YWHAQ: variants seen among roughly 807,000 people sequenced by gnomAD.
The protein encoded by YWHAQ is 14-3-3 protein theta.
A neutral mutation model predicts 28.3 loss-of-function variants in YWHAQ; 6 were observed. The observed-to-expected ratio is 0.21, with a 90% CI of 0.12 to 0.42. The LOEUF (loss-of-function observed/expected upper bound fraction) is 0.42. Among genes scored for constraint, YWHAQ ranks in the 10% least tolerant of loss-of-function variants. The probability of loss-of-function intolerance (pLI) is 1.00; values close to 1 mark genes in which losing one functional copy is unlikely to be tolerated. For synonymous variants in YWHAQ, 143 were observed against 119.1 expected, an observed-to-expected ratio of 1.20 and a Z score of -1.31; for missense variants, 201 against 305.6, an observed-to-expected ratio of 0.66 and a Z score of 2.55.
At chr2:9,596,099 A>G (rs900826576) in intron 2 of YWHAQ, among the ~76,000 whole-genome samples, 1 of 152,200 alleles carries the variant, frequency 6.6e-6, no homozygotes, top group East Asian at 1.9e-4. Context: ...TCTTAGAAAA[A>G]TAGGATGGGA....
At chr2:9,610,722 G>A (rs576846575) in intron 2 of YWHAQ, among the ~76,000 whole-genome samples, 1 of 152,194 alleles carries the variant, frequency 6.6e-6, no homozygotes, top group East Asian at 1.9e-4. Flanking sequence ...TGGTCAGGCT[G>A]GTCTCGAACT....
At chr2:9,625,951 T>A (rs1667239776) in intron 2 of YWHAQ, among the ~76,000 whole-genome samples, 1 of 152,258 alleles carries the variant, frequency 6.6e-6, no homozygotes, top group South Asian at 2.1e-4. Flanking sequence ...TCATTAACTA[T>A]GAAGAAAAAC....
At chr2:9,623,030 T>C (rs1051943182) in intron 2 of YWHAQ, among the ~76,000 whole-genome samples, 7 of 152,234 alleles carry the variant, frequency 4.6e-5, no homozygotes, top group Admixed American at 4.6e-4. Context: ...AACATTACCA[T>C]AGCCAACCAG....
At chr2:9,605,556 T>G (rs1423243492) in intron 2 of YWHAQ, among the ~76,000 whole-genome samples, 1 of 152,142 alleles carries the variant, frequency 6.6e-6, no homozygotes, top group Non-Finnish European at 1.5e-5. Flanking sequence ...GTACATTCTT[T>G]TTGTTGTTGT....
At chr2:9,601,900 G>A (rs1458509024) in intron 2 of YWHAQ, among the ~76,000 whole-genome samples, 1 of 151,974 alleles carries the variant, frequency 6.6e-6, no homozygotes, top group Non-Finnish European at 1.5e-5. Context: ...TGCCTGCCTC[G>A]GCCTCCCAAA....
rs1242805968 is a variant in YWHAQ, at chr2:9,614,286, T to G, written c.294+15873A>C. ...TACATCACCATCATTTAACAACATT[T>G]CCAGGACAGTGCTACAAAAAGAATC... On this transcript the variant is annotated intron_variant, in intron 2 of 5. Coordinates refer to ENST00000238081, the MANE Select transcript of YWHAQ (RefSeq NM_006826.4). Among the ~76,000 whole-genome samples, 4 of 152,148 alleles carry G rather than the reference T, an allele frequency of 2.6e-5. No homozygotes were observed. In the East Asian group the frequency reaches 7.7e-4, roughly 29 times the overall value.
chr2:9,630,231 C>T lies in YWHAQ; in HGVS notation c.222G>A (p.Lys74=). 1 of 1,614,144 alleles carries T rather than the reference C, an allele frequency of 6.2e-7. No individual in the cohort carries two copies. Among genetic ancestry groups the T allele is most frequent in the Non-Finnish European group, 8.5e-7 (1 of 1,180,038 alleles). Residue 74 remains lysine (K), a synonymous_variant, in exon 2 of 6, where the codon AAG becomes AAA. Transcript: ENST00000238081. This position sits in a 1 kb window ranked among gnomAD's most constrained non-coding sequence, Gnocchi z 5.6. ...SIEQKTDTSD[K]KLQLIKDYRE... is the part of the protein sequence containing the mutation. The stretch of plus-strand genomic sequence containing the variant: ...GATAGTCCTTAATCAGCTGCAACTT[C>T]TTGTCGGAGGTGTCGGTCTTCTGCT...
chr2:9,611,805 G>A (rs1666954994), intron 2 of YWHAQ, among the ~76,000 whole-genome samples: 1 of 152,120 alleles, frequency 6.6e-6, no homozygotes, highest in Non-Finnish European at 1.5e-5. Flanking sequence ...CGAGTAGCTG[G>A]GATTACAGGT....
At chr2:9,628,097 A>G (rs536541020) in intron 2 of YWHAQ, among the ~76,000 whole-genome samples, 3 of 152,348 alleles carry the variant, frequency 2.0e-5, no homozygotes, top group African/African-American at 7.2e-5. Context: ...TATTGCTCAG[A>G]GCACAGTGCC....
intron 2 of YWHAQ, among the ~76,000 whole-genome samples, chr2:9,596,555 A>G (rs1399581587): frequency 6.6e-6 from 1 of 152,234 alleles, no homozygotes; most frequent in Non-Finnish European, 1.5e-5. Context: ...ACTGAGGTTC[A>G]TTAGCAAACA....
chr2:9,591,312 C>T (rs1040386452), intron 3 of YWHAQ, 80 bp downstream of exon 3: 9 of 1,496,446 alleles, frequency 6.0e-6, no homozygotes, highest in South Asian at 3.8e-5. Context: ...CTGAAGACTA[C>T]GTATACTGTC....
At chr2:9,609,177 T>C (rs886853253) in intron 2 of YWHAQ, among the ~76,000 whole-genome samples, 9 of 152,192 alleles carry the variant, frequency 5.9e-5, no homozygotes, top group African/African-American at 2.2e-4. Context: ...AAATTTTTCC[T>C]GACTAAAACA....
At chr2:9,606,977 C>T (rs997493528) in intron 2 of YWHAQ, among the ~76,000 whole-genome samples, 9 of 151,772 alleles carry the variant, frequency 5.9e-5, no homozygotes, top group African/African-American at 1.5e-4. Context: ...CTCCACCTCC[C>T]GGGTTCAAGC....
At position 9,591,650 on chromosome 2, in the gene YWHAQ, C is replaced by T. The variant is rs1666458207; in HGVS notation, c.295-135G>A. ...TAATACTATACCATACCAGCCTGGA[C>T]TTGAAGCATGTTCTTAGAGCAGGGG... On this transcript the variant is annotated intron_variant, in intron 2 of 5. Coordinates refer to ENST00000238081, the MANE Select transcript of YWHAQ (RefSeq NM_006826.4). 1.2e-5 allele frequency: 14 copies of T among 1,152,084 alleles called. No homozygotes were observed. The East Asian group carries it at 3.6e-4, about 30-fold the overall frequency. 71.4% of individuals were successfully genotyped at this position (1,152,084 alleles called of 1,614,324 possible).
At chr2:9,589,471 C>G (rs996940423) in intron 3 of YWHAQ, among the ~76,000 whole-genome samples, 26 of 152,098 alleles carry the variant, frequency 1.7e-4, no homozygotes, top group African/African-American at 5.8e-4. Context: ...GTAATCCCAG[C>G]TACTTGGGAG....
At chr2:9,600,663 C>T (rs1211565765) in intron 2 of YWHAQ, among the ~76,000 whole-genome samples, 1 of 151,970 alleles carries the variant, frequency 6.6e-6, no homozygotes, top group South Asian at 2.1e-4. Context: ...CGAGGTCGCG[C>T]CATTGCACTC....
At chr2:9,585,569 C>T (rs1302758168) in intron 5 of YWHAQ, among the ~76,000 whole-genome samples, 4 of 152,054 alleles carry the variant, frequency 2.6e-5, no homozygotes, top group Non-Finnish European at 5.9e-5. Flanking sequence ...TACATACATA[C>T]ATACATATAC....
chr2:9,615,952 TA>T (rs1400975519), intron 2 of YWHAQ, among the ~76,000 whole-genome samples: 1 of 152,170 alleles, frequency 6.6e-6, no homozygotes, highest in Non-Finnish European at 1.5e-5. Context: ...TGGATGGTGC[TA>T]GGTAACAGAA....
At chr2:9,599,153 G>A (rs1431567681) in intron 2 of YWHAQ, among the ~76,000 whole-genome samples, 1 of 152,200 alleles carries the variant, frequency 6.6e-6, no homozygotes, top group Non-Finnish European at 1.5e-5. Context: ...TCCAGAGCAA[G>A]GCCTTAATTC....
Sources: gnomAD v4.1 joint callset for allele counts (sites outside exome capture counted in the v4.1 genomes callset) on GRCh38, gnomAD v4.1.1 for gene constraint, Gnocchi (gnomAD v3.1) non-coding constraint, MANE v1.5 for transcripts, NCBI Gene and HGNC (gene_info 2026-07-23, HGNC 2026-07-21) for gene names.